The following YAE1 variants were observed in gnomAD, a reference collection of about 807,000 sequenced individuals.
YAE1 encodes YAE1 maturation factor of ABCE1.
Under a neutral mutation model 23.0 loss-of-function variants are expected in YAE1, and 22 were observed. The observed-to-expected ratio is 0.96, with a 90% confidence interval of 0.68 to 1.37. The LOEUF is 1.37. Ranked by LOEUF, YAE1 falls within the 40% of genes most tolerant of loss-of-function variation. The pLI, the probability that YAE1 is intolerant of heterozygous loss-of-function variation, is 0.00. For synonymous variants in YAE1, 101 were observed against 97.0 expected (o/e 1.04, Z -0.24); for missense variants, 260 against 262.1 (o/e 0.99, Z 0.06).
At chr7:39,571,457 GAA>G (rs1375737861) in intron 2 of YAE1, among the ~76,000 whole-genome samples, 16 of 151,826 alleles carry the variant, frequency 1.1e-4, no homozygotes, top group Middle Eastern at 3.4e-3. Flanking sequence ...TAATTTTAAA[GAA>G]GAGTAGATGA....
In YAE1 at chr7:39,582,093, CTG is replaced by C. The variant is rs545243361; in HGVS notation, c.251+11470_251+11471del. Among the ~76,000 whole-genome samples, 19 of 151,834 alleles carry C rather than the reference CTG, an allele frequency of 1.3e-4. No individual in the cohort carries two copies. In the South Asian group the frequency reaches 4.0e-3, roughly 32 times the overall value. The stretch of plus-strand genomic sequence containing the variant: ...CAGGCACTACACCAGCTTCTGAGAA[CTG>C]TGTCTGTAGGTAGTTCTGATTAGTA... On this transcript the variant is annotated intron_variant, in intron 2 of 2. Coordinates refer to the YAE1 transcript ENST00000432096.
intron 2 of YAE1, among the ~76,000 whole-genome samples, chr7:39,582,504 A>G (rs997006163): frequency 6.6e-6 from 1 of 152,224 alleles, no homozygotes; most frequent in South Asian, 2.1e-4. Flanking sequence ...TTGTCATTCA[A>G]GCTGCCAAAC....
chr7:39,570,790 T>G, intron 2 of YAE1, 163 bp downstream of exon 2: 1 of 820,532 alleles, frequency 1.2e-6, no homozygotes, highest in Non-Finnish European at 1.8e-6. Context: ...AGTCAAAATC[T>G]TTATCAGCTC....
In YAE1 at chr7:39,566,560, T is replaced by C. The variant is rs764204692; in HGVS notation, c.129+13T>C. 1.1e-5 allele frequency: 18 copies of C among 1,613,228 alleles called. No homozygotes were observed. ...AAGACGAGTCAAAGTAAACGTGGTG[T>C]GGACGGCGCGGGGTGCTGGGTTGTG... On this transcript the variant is annotated intron_variant, in intron 1 of 2. Coordinates refer to ENST00000223273, the MANE Select transcript of YAE1 (RefSeq NM_020192.5).
downstream of YAE1, chr7:39,610,344 G>A (rs1162386369): frequency 2.1e-6 from 1 of 468,018 alleles, no homozygotes; most frequent in Non-Finnish European, 4.2e-6. Context: ...TACATTTTTT[G>A]CAACTGTTTG....
intron 2 of YAE1, among the ~76,000 whole-genome samples, chr7:39,582,599 T>C (rs757970051): frequency 2.0e-5 from 3 of 152,232 alleles, no homozygotes; most frequent in Non-Finnish European, 4.4e-5. Context: ...TGTTCACTTA[T>C]GACCCACCCC....
At chr7:39,610,005 G>A (rs1421166271) in exon 3 of YAE1, 3 of 1,509,444 alleles carry the variant, frequency 2.0e-6, no homozygotes, top group Admixed American at 4.2e-5. Flanking sequence ...CTTAATCAGA[G>A]GGCAGCTTGT....
intron 1 of YAE1, among the ~76,000 whole-genome samples, chr7:39,568,258 AAT>A (rs531569572): frequency 1.4e-4 from 21 of 150,018 alleles, no homozygotes; most frequent in Middle Eastern, 7.0e-3. Context: ...GATAATAATA[AAT>A]ATATATATAT....
chr7:39,584,912 C>A lies in YAE1; in HGVS notation c.251+14285C>A, dbSNP rs150857324. On this transcript the variant is annotated intron_variant, in intron 2 of 2. Transcript: ENST00000432096. ...CATTTTCACTTAGCACCCTCCACCT[C>A]ATAACCTCCACTTAGCAGCCTCCAC... is the stretch of plus-strand genomic sequence containing the variant. Among the ~76,000 whole-genome samples, 511 of 152,288 alleles carry A rather than the reference C, an allele frequency of 3.4e-3. 6 individuals carry two copies. Among genetic ancestry groups the A allele is most frequent in the African/African-American group, 0.012 (484 of 41,554 alleles).
At chr7:39,611,484 A>T (rs1280106942), downstream of YAE1, among the ~76,000 whole-genome samples, 1 of 152,222 alleles carries the variant, frequency 6.6e-6, no homozygotes, top group South Asian at 2.1e-4. Context: ...CTCCCCTGGC[A>T]CTGCTAGTTG....
chr7:39,575,993 TCTGA>T (rs777947034), downstream of YAE1, among the ~76,000 whole-genome samples: 41 of 152,202 alleles, frequency 2.7e-4, no homozygotes, highest in Non-Finnish European at 5.0e-4. Context: ...TCTCCCCGAC[TCTGA>T]CTGCTGCTTA....
intron 2 of YAE1, among the ~76,000 whole-genome samples, chr7:39,594,116 C>G (rs374814792): frequency 6.6e-6 from 1 of 152,204 alleles, no homozygotes; most frequent in African/African-American, 2.4e-5. Context: ...AACTCTACCC[C>G]CTCTATGTTG....
intron 1 of YAE1, chr7:39,569,758 G>T: frequency 1.3e-6 from 1 of 751,664 alleles, no homozygotes; most frequent in South Asian, 1.3e-5. Context: ...CTACTCATCT[G>T]AACAGAACCT....
intron 2 of YAE1, among the ~76,000 whole-genome samples, chr7:39,601,192 G>A (rs553572641): frequency 6.6e-6 from 1 of 152,198 alleles, no homozygotes; most frequent in East Asian, 1.9e-4. Context: ...AGGTTTTTGG[G>A]GACCAGCATC....
At chr7:39,611,974 T>G (rs539965230), downstream of YAE1, among the ~76,000 whole-genome samples, 10 of 152,368 alleles carry the variant, frequency 6.6e-5, no homozygotes, top group South Asian at 2.1e-3. Flanking sequence ...CAAAGATTCC[T>G]TATTAATGAA....
intron 2 of YAE1, among the ~76,000 whole-genome samples, chr7:39,601,574 A>G (rs530141745): frequency 6.6e-6 from 1 of 152,220 alleles, no homozygotes; most frequent in African/African-American, 2.4e-5. Flanking sequence ...AGCTTGGCCA[A>G]CATGGTGAAA....
At position 39,566,414 on chromosome 7, in the gene YAE1, C is replaced by T. The variant is rs769484997; in HGVS notation, c.-5C>T. On this transcript the variant is annotated 5_prime_UTR_variant, in exon 1 of 3. Coordinates refer to ENST00000223273, the MANE Select transcript of YAE1 (RefSeq NM_020192.5). ...GTGGCCTGCGACCCCGTAATTGCCTCGGTGATGTCGTGGGTTCAAGCAGCC... is the reference window on the plus strand; with the variant it reads ...GTGGCCTGCGACCCCGTAATTGCCTTGGTGATGTCGTGGGTTCAAGCAGCC... 6 of 1,613,052 alleles carry T rather than the reference C, an allele frequency of 3.7e-6. No homozygotes were observed. The highest frequency in any genetic ancestry group is 5.1e-6 in the Non-Finnish European group (6 of 1,179,246).
At position 39,579,605 on chromosome 7, in the gene YAE1, G is replaced by A. The variant is rs1790711472; in HGVS notation, c.251+8978G>A. On this transcript the variant is annotated intron_variant, in intron 2 of 2. Coordinates refer to the YAE1 transcript ENST00000432096. ...AATCGCTTGAACCCAGGAGGTGGGG[G>A]TGCAGTGAGCTGAGATCACGCCACT... Among the ~76,000 whole-genome samples the A allele has an allele frequency of 2.0e-5, 3 of 151,032 alleles. No individual in the cohort carries two copies. The South Asian group carries it at 6.3e-4, about 32-fold the overall frequency.
chr7:39,593,376 G>A (rs1790929960), intron 2 of YAE1, among the ~76,000 whole-genome samples: 1 of 150,580 alleles, frequency 6.6e-6, no homozygotes. Flanking sequence ...GTAGAGATGG[G>A]GTTTTACCAT....
Sources: allele counts gnomAD v4.1 joint callset (sites outside exome capture counted in the v4.1 genomes callset), GRCh38; gene constraint gnomAD v4.1.1; transcripts MANE v1.5; gene names NCBI Gene and HGNC (gene_info 2026-07-23, HGNC 2026-07-21).